PDK1: variants seen among roughly 807,000 people sequenced by gnomAD.
PDK1 encodes the protein pyruvate dehydrogenase kinase 1, also known as [Pyruvate dehydrogenase (acetyl-transferring)] kinase isozyme 1, mitochondrial.
In PDK1, 39 loss-of-function variants were observed where a neutral mutation model predicts 54.2. The observed-to-expected ratio is 0.72, with a 90% CI of 0.56 to 0.94. The LOEUF is 0.94. PDK1 is among the 40% of genes least tolerant of loss of function. PDK1 has a pLI of 0.00. For missense variants in PDK1, 552 were observed against 566.0 expected (o/e 0.98, Z 0.25); for synonymous variants, 221 against 207.1 (o/e 1.07, Z -0.58).
the PDK1 span, among the ~76,000 whole-genome samples, chr2:172,710,219 CA>C: frequency 6.6e-5 from 10 of 152,138 alleles, no homozygotes; most frequent in Non-Finnish European, 1.3e-4. Context: ...TCACCACATC[CA>C]AAATGCAAAG....
the PDK1 span, among the ~76,000 whole-genome samples, chr2:172,662,622 T>G: frequency 6.6e-6 from 1 of 152,040 alleles, no homozygotes; most frequent in African/African-American, 2.4e-5. Flanking sequence ...TCCTCAATGA[T>G]TGAACATTTG....
At chr2:172,660,732 C>T in the PDK1 span, among the ~76,000 whole-genome samples, 2 of 152,142 alleles carry the variant, frequency 1.3e-5, no homozygotes, top group East Asian at 3.9e-4. Flanking sequence ...AGGTCCTCAA[C>T]TTCAAATCTG....
chr2:172,686,241 A>T, the PDK1 span, among the ~76,000 whole-genome samples: 1 of 152,204 alleles, frequency 6.6e-6, no homozygotes, highest in South Asian at 2.1e-4. Flanking sequence ...CACTGCTAAG[A>T]TCTCCCTTTG....
chr2:172,688,374 T>C, the PDK1 span, among the ~76,000 whole-genome samples: 4 of 152,114 alleles, frequency 2.6e-5, 1 homozygote, highest in Non-Finnish European at 4.4e-5. Context: ...GCACCAATGT[T>C]GAAATCCTTA....
chr2:172,666,631 G>A, the PDK1 span, among the ~76,000 whole-genome samples: 1 of 152,148 alleles, frequency 6.6e-6, no homozygotes, highest in East Asian at 1.9e-4. Context: ...TTGGTGGGAA[G>A]GATGGTTACA....
chr2:172,607,658 T>C lies in PDK1; in HGVS notation c.*11689T>C, dbSNP rs953714289. The C allele has an allele frequency of 6.6e-6, 1 of 151,774 alleles. No homozygotes were observed. The highest frequency in any genetic ancestry group is 2.4e-5 in the African/African-American group (1 of 41,256). 9.4% of individuals were successfully genotyped at this position (151,774 alleles called of 1,614,324 possible). A position where few individuals can be genotyped will look rare whatever the true frequency, so the allele number is the denominator to read the frequency against. ...CAAAACAATGGTACTAGGAAGGAGG[T>C]TGGCCAAACTCAGAGTGGAGGCTGA... On this transcript the variant is annotated 3_prime_UTR_variant, in exon 11 of 11. Transcript: ENST00000282077.
the PDK1 span, among the ~76,000 whole-genome samples, chr2:172,688,225 GT>G: frequency 6.6e-6 from 1 of 152,188 alleles, no homozygotes; most frequent in Admixed American, 6.5e-5. Flanking sequence ...GGCTGTTGCA[GT>G]CTTTTGTGAA....
the PDK1 span, among the ~76,000 whole-genome samples, chr2:172,699,209 C>T: frequency 6.6e-6 from 1 of 152,046 alleles, no homozygotes. Context: ...TTTTTTATGG[C>T]AAGATGAATG....
chr2:172,646,735 C>CTTTTTTTTTTTTTTTTTTTTTTT, the PDK1 span, among the ~76,000 whole-genome samples: 54 of 72,048 alleles, frequency 7.5e-4, 10 homozygotes, highest in African/African-American at 2.0e-3. Flanking sequence ...CTTGCATTTC[C>CTTTTTTTTTTTTTTTTTTTTTTT]TTTTTTTTTT....
Position 172,564,656 on chromosome 2 carries a change from C to A in PDK1, c.564C>A (p.Arg188=), listed in dbSNP as rs797018208. The A allele has an allele frequency of 6.2e-7, 1 of 1,613,930 alleles. No homozygotes were observed. Among genetic ancestry groups the A allele is most frequent in the Admixed American group, 1.7e-5 (1 of 60,004 alleles). The change falls in exon 4 of 11, where the codon CGC becomes CGA. Residue 188 remains arginine (R), a synonymous_variant. Transcript: ENST00000282077. ...TTTTGGATCGATTCTACATGAGTCG[C>A]ATTTCAATTAGAATGTTACTCAATC... is the stretch of plus-strand genomic sequence containing the variant. ...QYFLDRFYMS[R]ISIRMLLNQH... is the part of the protein sequence containing the mutation.
chr2:172,565,722 C>T (rs1053758388), intron 5 of PDK1, among the ~76,000 whole-genome samples: 1 of 152,176 alleles, frequency 6.6e-6, no homozygotes, highest in African/African-American at 2.4e-5. Context: ...TCTATTTATA[C>T]CACTTGTACA....
In PDK1 at chr2:172,556,282, C is replaced by T; in HGVS notation, c.132C>T (p.Gly44=). Residue 44 remains glycine (G), a synonymous_variant, in exon 1 of 11, where the codon GGC becomes GGT. Transcript: ENST00000282077. ...CGGCGTCCGAGCGCGGCGTTCCGGG[C>T]CAGGTGGACTTCTACGCGCGCTTCT... ...SSPASERGVP[G]QVDFYARFSP... is the part of the protein sequence containing the mutation. 6.6e-7 allele frequency: 1 copy of T among 1,507,194 alleles called. No individual in the cohort carries two copies. The highest frequency in any genetic ancestry group is 2.4e-5 in the Admixed American group (1 of 42,296). The allele number at this position is 1,507,194 out of a possible 1,614,324, so 93.4% of individuals were successfully genotyped here.
intron 6 of PDK1, among the ~76,000 whole-genome samples, chr2:172,567,457 C>G (rs1041058190): frequency 6.6e-6 from 1 of 152,174 alleles, no homozygotes; most frequent in Non-Finnish European, 1.5e-5. Flanking sequence ...ATTGATGAGT[C>G]TCTTTTTCCT....
the PDK1 span, among the ~76,000 whole-genome samples, chr2:172,682,194 G>A: frequency 3.3e-5 from 5 of 152,360 alleles, no homozygotes; most frequent in Admixed American, 2.6e-4. Context: ...TAGAGACCCC[G>A]AGGTGGGACC....
chr2:172,717,648 G>A, the PDK1 span, among the ~76,000 whole-genome samples: 1 of 152,106 alleles, frequency 6.6e-6, no homozygotes, highest in Non-Finnish European at 1.5e-5. Flanking sequence ...GGGTTCAAGC[G>A]ATTCTCCTGC....
chr2:172,594,068 C>T (rs1690755864), intron 10 of PDK1, among the ~76,000 whole-genome samples: 1 of 142,166 alleles, frequency 7.0e-6, no homozygotes, highest in South Asian at 2.2e-4. Context: ...CGGAGTCTTG[C>T]TCTGTGTCAC....
rs1468758807 is a variant in PDK1, at chr2:172,598,104, A to G, written c.*2135A>G. 6.6e-6 allele frequency: 1 copy of G among 152,206 alleles called. No homozygotes were observed. The highest frequency in any genetic ancestry group is 2.4e-5 in the African/African-American group (1 of 41,460). The allele number at this position is 152,206 out of a possible 1,614,324, so 9.4% of individuals were successfully genotyped here. On this transcript the variant is annotated 3_prime_UTR_variant, in exon 11 of 11. Transcript: ENST00000282077. ...AATAGAACATGTTAATGAGTAATTT[A>G]TATTAGTTCGATGTATTACAATTTT...
chr2:172,669,051 A>AT, the PDK1 span, among the ~76,000 whole-genome samples: 494 of 70,576 alleles, frequency 7.0e-3, 43 homozygotes, highest in African/African-American at 0.027. Flanking sequence ...GAATTTCCTG[A>AT]TTTTTTTTTT....
chr2:172,689,166 C>T, the PDK1 span, among the ~76,000 whole-genome samples: 2 of 152,030 alleles, frequency 1.3e-5, no homozygotes, highest in East Asian at 1.9e-4. Flanking sequence ...TACAGAGTGC[C>T]GATTGGTCCA....
Sources: allele counts gnomAD v4.1 joint callset (sites outside exome capture counted in the v4.1 genomes callset), GRCh38; gene constraint gnomAD v4.1.1; transcripts MANE v1.5; gene names NCBI Gene and HGNC (gene_info 2026-07-23, HGNC 2026-07-21).